The following ITSN1 variants were observed in gnomAD, a reference collection of about 807,000 sequenced individuals.
ITSN1 encodes the protein intersectin-1.
A neutral mutation model predicts 239.8 loss-of-function variants in ITSN1; 58 were observed. That is an observed-to-expected ratio of 0.24 (90% confidence interval 0.20 to 0.30). The LOEUF is 0.30. ITSN1 is among the 10% of genes least tolerant of loss of function. ITSN1 has a pLI of 1.00. For synonymous variants in ITSN1, 780 were observed against 770.8 expected (o/e 1.01, Z -0.20); for missense variants, 1,558 against 2,103.3 (o/e 0.74, Z 5.07).
intron 4 of ITSN1, among the ~76,000 whole-genome samples, chr21:33,733,468 T>C (rs981235951): frequency 3.9e-5 from 6 of 152,182 alleles, no homozygotes; most frequent in African/African-American, 9.7e-5. Flanking sequence ...TCTAATCATA[T>C]GATAAAAGAA....
chr21:33,853,678 G>A (rs1978761287), intron 29 of ITSN1, among the ~76,000 whole-genome samples: 1 of 152,192 alleles, frequency 6.6e-6, no homozygotes, highest in Non-Finnish European at 1.5e-5. Flanking sequence ...TAACACTAGT[G>A]TTTCTCAACA....
chr21:33,750,352 GT>G (rs768060347), intron 6 of ITSN1, 30 bp downstream of exon 6: 1 of 1,588,740 alleles, frequency 6.3e-7, no homozygotes, highest in Admixed American at 1.7e-5. Context: ...CATAGGCTGA[GT>G]TTTTACTACT....
rs929924652 is a variant in ITSN1, at chr21:33,831,329, A to C, written c.3351+1584A>C. ...TTGAACGTGGGCCTCTGCGTAACAC[A>C]GGGGGGCCTCAGTAAGGCTTGAACG... On this transcript the variant is annotated intron_variant, in intron 27 of 39. Transcript: ENST00000381318. 2.6e-5 allele frequency among the ~76,000 whole-genome samples: 4 copies of C among 152,102 alleles called. No individual in the cohort carries two copies. In the South Asian group the frequency reaches 8.3e-4, roughly 32 times the overall value.
At chr21:33,660,328 T>G (rs1281255905) in intron 1 of ITSN1, among the ~76,000 whole-genome samples, 2 of 152,214 alleles carry the variant, frequency 1.3e-5, no homozygotes, top group African/African-American at 2.4e-5. Flanking sequence ...TGTGTCCTCT[T>G]AAGTGATTGA....
chr21:33,704,258 T>A (rs79345500), intron 1 of ITSN1, among the ~76,000 whole-genome samples: 2,986 of 152,294 alleles, frequency 0.02, 112 homozygotes, highest in African/African-American at 0.069. Flanking sequence ...ATGTCAGCAT[T>A]CTATTAATCT....
intron 36 of ITSN1, among the ~76,000 whole-genome samples, chr21:33,884,209 ATTGTTG>A (rs375803637): frequency 6.6e-6 from 1 of 151,796 alleles, no homozygotes; most frequent in Non-Finnish European, 1.5e-5. Context: ...TGCACCTGGC[ATTGTTG>A]TTGTTGTTGT....
intron 16 of ITSN1, among the ~76,000 whole-genome samples, chr21:33,793,452 A>T (rs1270571418): frequency 1.3e-5 from 2 of 152,192 alleles, no homozygotes; most frequent in Non-Finnish European, 2.9e-5. Context: ...TGGCCCACAT[A>T]AGACGAGTTT....
intron 1 of ITSN1, among the ~76,000 whole-genome samples, chr21:33,711,864 A>G (rs1372433531): frequency 6.6e-6 from 1 of 152,206 alleles, no homozygotes; most frequent in Non-Finnish European, 1.5e-5. Flanking sequence ...ATTTATGTTG[A>G]AACCCTACTA....
chr21:33,758,608 G>A (rs1234910099), intron 8 of ITSN1, among the ~76,000 whole-genome samples: 1 of 152,196 alleles, frequency 6.6e-6, no homozygotes, highest in African/African-American at 2.4e-5. Context: ...TGGTATTCCT[G>A]TTAATAATGC....
At chr21:33,871,470 G>A (rs1982723717) in intron 33 of ITSN1, among the ~76,000 whole-genome samples, 1 of 151,686 alleles carries the variant, frequency 6.6e-6, no homozygotes, top group African/African-American at 2.4e-5. Flanking sequence ...AAGGCCGGAT[G>A]TGGTGGCTCA....
intron 8 of ITSN1, among the ~76,000 whole-genome samples, chr21:33,759,964 G>A (rs545617857): frequency 6.6e-6 from 1 of 152,190 alleles, no homozygotes; most frequent in African/African-American, 2.4e-5. Context: ...TTAGCCAGGT[G>A]TGGTGGCGCA....
chr21:33,646,742 G>A (rs911816355), intron 1 of ITSN1, among the ~76,000 whole-genome samples: 3 of 152,020 alleles, frequency 2.0e-5, no homozygotes, highest in African/African-American at 7.3e-5. Flanking sequence ...AAAGAATTGG[G>A]GTGTATAAAA....
intron 9 of ITSN1, among the ~76,000 whole-genome samples, chr21:33,764,545 A>G (rs1274264249): frequency 2.0e-5 from 3 of 152,184 alleles, no homozygotes; most frequent in Non-Finnish European, 4.4e-5. Flanking sequence ...AGTTGCTACA[A>G]TCAGATGTGG....
chr21:33,738,236 A>G (rs1456109622), intron 5 of ITSN1, among the ~76,000 whole-genome samples: 3 of 152,102 alleles, frequency 2.0e-5, no homozygotes, highest in Non-Finnish European at 4.4e-5. Context: ...TTGCCCTTAT[A>G]TATAGTATGT....
intron 1 of ITSN1, among the ~76,000 whole-genome samples, chr21:33,714,077 G>T (rs369144321): frequency 6.6e-6 from 1 of 152,078 alleles, no homozygotes; most frequent in South Asian, 2.1e-4. Flanking sequence ...TGATCCACCC[G>T]CCTTGGCCTC....
At chr21:33,856,601 G>A in intron 29 of ITSN1, 135 bp from the exon 30 acceptor site, 1 of 1,177,170 alleles carries the variant, frequency 8.5e-7, no homozygotes, top group South Asian at 1.4e-5. Context: ...TTACTGGGGA[G>A]GACACATTTC....
chr21:33,831,924 C>T (rs1189019205), intron 27 of ITSN1, among the ~76,000 whole-genome samples: 2 of 152,058 alleles, frequency 1.3e-5, no homozygotes, highest in Non-Finnish European at 2.9e-5. Context: ...GGAGAGGCCT[C>T]CTTAGACCCT....
At chr21:33,732,259 C>T (rs1036329839) in intron 4 of ITSN1, among the ~76,000 whole-genome samples, 2 of 152,124 alleles carry the variant, frequency 1.3e-5, no homozygotes, top group Admixed American at 1.3e-4. Flanking sequence ...CTTTATCAGT[C>T]TTAAGGCCTG....
intron 32 of ITSN1, among the ~76,000 whole-genome samples, chr21:33,866,515 C>T (rs971939185): frequency 2.0e-4 from 31 of 151,794 alleles, no homozygotes; most frequent in African/African-American, 7.5e-4. Flanking sequence ...TCACCTCTCC[C>T]CACCTCCTCT....
Sources: gnomAD v4.1 joint callset for allele counts (sites outside exome capture counted in the v4.1 genomes callset) on GRCh38, gnomAD v4.1.1 for gene constraint, MANE v1.5 for transcripts, NCBI Gene and HGNC (gene_info 2026-07-23, HGNC 2026-07-21) for gene names.